Variants in PLCB1 observed in about 807,000 individuals in gnomAD.
PLCB1 encodes the protein phospholipase C beta 1.
PLCB1 carries 46 observed loss-of-function variants against 161.8 expected under a neutral mutation model. That is an observed-to-expected ratio of 0.28 (90% CI 0.22 to 0.36). The LOEUF (loss-of-function observed/expected upper bound fraction) is 0.36, where lower values mean the gene tolerates loss of function less well. Ranked by LOEUF, PLCB1 falls within the 10% of genes least tolerant of loss-of-function variation. The pLI, the probability that PLCB1 is intolerant of heterozygous loss-of-function variation, is 1.00. For synonymous variants in PLCB1, 517 were observed against 503.7 expected (o/e 1.03, Z -0.35); for missense variants, 1,016 against 1,472.5 (o/e 0.69, Z 5.07).
At chr20:8,675,466 C>G (rs1990051890) in intron 9 of PLCB1, among the ~76,000 whole-genome samples, 2 of 152,038 alleles carry the variant, frequency 1.3e-5, no homozygotes, top group African/African-American at 4.8e-5. Context: ...ATAAAGAAAG[C>G]CAGGGAATCC....
At chr20:8,798,764 G>A (rs985694597) in intron 31 of PLCB1, among the ~76,000 whole-genome samples, 1 of 152,156 alleles carries the variant, frequency 6.6e-6, no homozygotes, top group Non-Finnish European at 1.5e-5. Flanking sequence ...CCAATTCTCA[G>A]AAGAATCTCC....
intron 4 of PLCB1, among the ~76,000 whole-genome samples, chr20:8,644,170 C>T (rs1381167650): frequency 2.0e-5 from 3 of 152,320 alleles, no homozygotes; most frequent in Admixed American, 6.5e-5. Flanking sequence ...AGCCGCCTGC[C>T]TTGGCCTCCC....
intron 31 of PLCB1, among the ~76,000 whole-genome samples, chr20:8,851,948 C>G (rs1183432365): frequency 6.6e-6 from 1 of 152,156 alleles, no homozygotes; most frequent in East Asian, 1.9e-4. Context: ...TGTCCATCAA[C>G]AGTGGCATGG....
At chr20:8,623,058 C>G (rs1988229420) in intron 3 of PLCB1, among the ~76,000 whole-genome samples, 1 of 152,112 alleles carries the variant, frequency 6.6e-6, no homozygotes, top group Non-Finnish European at 1.5e-5. Context: ...CCTGAATGCC[C>G]TCCAGCAGCC....
At position 8,716,264 on chromosome 20, in the gene PLCB1, C is replaced by G; in HGVS notation, c.1251C>G (p.Ser417=). ...ILLSFENHVD[S]PKQQAKMAEY... The stretch of plus-strand genomic sequence containing the variant: ...TTCTTCTGTTCTTGTTCTCCCTTAG[C>G]CCAAAGCAGCAAGCCAAGATGGCGG... The change falls in exon 13 of 32, where the codon TCC becomes TCG. Residue 417 remains serine (S), a splice_region_variant and synonymous_variant. Transcript: ENST00000338037. 6.2e-7 allele frequency: 1 copy of G among 1,613,322 alleles called. No individual in the cohort carries two copies. The highest frequency in any genetic ancestry group is 8.5e-7 in the Non-Finnish European group (1 of 1,179,276).
At chr20:8,642,092 C>T (rs945995215) in intron 4 of PLCB1, among the ~76,000 whole-genome samples, 1 of 152,032 alleles carries the variant, frequency 6.6e-6, no homozygotes, top group Non-Finnish European at 1.5e-5. Flanking sequence ...GCTAGTTGTC[C>T]TAATCATGAC....
chr20:8,665,368 T>G (rs1170446176), intron 9 of PLCB1, among the ~76,000 whole-genome samples: 1 of 152,238 alleles, frequency 6.6e-6, no homozygotes, highest in Non-Finnish European at 1.5e-5. Flanking sequence ...TAATGAAAAG[T>G]GATCATTGGC....
chr20:8,700,805 T>C (rs1287705904), intron 11 of PLCB1, among the ~76,000 whole-genome samples: 3 of 152,078 alleles, frequency 2.0e-5, no homozygotes, highest in Non-Finnish European at 4.4e-5. Flanking sequence ...TCCCAGTTGG[T>C]TTTTCCAGCT....
intron 3 of PLCB1, among the ~76,000 whole-genome samples, chr20:8,607,789 G>A (rs1987799513): frequency 6.6e-6 from 1 of 152,114 alleles, no homozygotes; most frequent in African/African-American, 2.4e-5. Context: ...CATTAAATAT[G>A]TATTGCATGA....
intron 2 of PLCB1, among the ~76,000 whole-genome samples, chr20:8,329,005 A>G (rs1195685756): frequency 3.9e-5 from 6 of 152,230 alleles, no homozygotes; most frequent in Non-Finnish European, 2.9e-5. Flanking sequence ...TCCAGTGTCA[A>G]ATGAGAATAC....
intron 10 of PLCB1, among the ~76,000 whole-genome samples, chr20:8,696,926 G>A (rs1364595923): frequency 6.6e-6 from 1 of 151,992 alleles, no homozygotes; most frequent in African/African-American, 2.4e-5. Flanking sequence ...GCAGAGATGG[G>A]GTTTCACCAT....
intron 2 of PLCB1, among the ~76,000 whole-genome samples, chr20:8,257,750 G>C (rs1024472469): frequency 4.6e-5 from 7 of 152,118 alleles, no homozygotes; most frequent in African/African-American, 1.7e-4. Context: ...CAACCTTCAT[G>C]AATTTTCACT....
chr20:8,881,374 G>C (rs1034708949), intron 31 of PLCB1, among the ~76,000 whole-genome samples: 1 of 127,324 alleles, frequency 7.9e-6, no homozygotes. Context: ...TGTAGATACC[G>C]CTATTCATCT....
chr20:8,481,354 T>C (rs1270836168), intron 3 of PLCB1, among the ~76,000 whole-genome samples: 1 of 152,192 alleles, frequency 6.6e-6, no homozygotes, highest in Admixed American at 6.5e-5. Context: ...GTGAATTGTT[T>C]GGATGACTTC....
At chr20:8,255,286 T>C (rs561339438) in intron 2 of PLCB1, among the ~76,000 whole-genome samples, 1 of 152,140 alleles carries the variant, frequency 6.6e-6, no homozygotes, top group East Asian at 1.9e-4. Context: ...TAAGGATAAA[T>C]ATTCTTTTGA....
At chr20:8,327,253 T>TGAG (rs1448571015) in intron 2 of PLCB1, among the ~76,000 whole-genome samples, 3 of 152,200 alleles carry the variant, frequency 2.0e-5, no homozygotes, top group Non-Finnish European at 2.9e-5. Flanking sequence ...ATTTGGTTGT[T>TGAG]GAGGTGTCCA....
chr20:8,377,158 AG>A (rs1987114948), intron 3 of PLCB1, among the ~76,000 whole-genome samples: 1 of 152,106 alleles, frequency 6.6e-6, no homozygotes, highest in Non-Finnish European at 1.5e-5. Flanking sequence ...AGAAGCATAA[AG>A]CGGGATCGGA....
chr20:8,644,688 C>A (rs893552985), intron 4 of PLCB1, among the ~76,000 whole-genome samples: 1 of 151,732 alleles, frequency 6.6e-6, no homozygotes, highest in Non-Finnish European at 1.5e-5. Flanking sequence ...GCAGCCGCCC[C>A]GTCCGGGAGG....
At chr20:8,819,570 A>C (rs1248207065) in intron 31 of PLCB1, among the ~76,000 whole-genome samples, 1 of 148,102 alleles carries the variant, frequency 6.8e-6, no homozygotes, top group East Asian at 2.0e-4. Context: ...GAGAGTAAAA[A>C]GACAGATAAC....
Sources: allele counts gnomAD v4.1 joint callset (sites outside exome capture counted in the v4.1 genomes callset), GRCh38; gene constraint gnomAD v4.1.1; transcripts MANE v1.5; gene names NCBI Gene and HGNC (gene_info 2026-07-23, HGNC 2026-07-21).